Variants in LHFPL3 observed in about 807,000 individuals in gnomAD.
LHFPL3 encodes LHFPL tetraspan subfamily member 3 protein.
In LHFPL3, 5 loss-of-function variants were observed where a neutral mutation model predicts 19.3. The observed-to-expected ratio is 0.26, with a 90% CI of 0.14 to 0.54. The LOEUF is 0.54. LHFPL3 is among the 20% of genes least tolerant of loss of function. The pLI, the probability that LHFPL3 is intolerant of heterozygous loss-of-function variation, is 0.94. For synonymous variants in LHFPL3, 133 were observed against 126.2 expected (o/e 1.05, Z -0.36); for missense variants, 249 against 307.4 (o/e 0.81, Z 1.42).
Position 104,906,452 on chromosome 7 carries a change from G to A in LHFPL3, c.*237G>A. 1.9e-6 allele frequency: 1 copy of A among 525,726 alleles called. No individual in the cohort carries two copies. The highest frequency in any genetic ancestry group is 3.3e-6 in the Non-Finnish European group (1 of 299,000). The allele number at this position is 525,726 out of a possible 1,614,324, so 32.6% of individuals were successfully genotyped here. Reference sequence around the variant, plus strand: ...ATCATGGATTAAACACCAGCTCATTGGAAACTCATTGGATGAGATCAGAAA... The same window carrying A: ...ATCATGGATTAAACACCAGCTCATTAGAAACTCATTGGATGAGATCAGAAA... On this transcript the variant is annotated 3_prime_UTR_variant, in exon 3 of 3. Transcript: ENST00000424859.
intron 1 of LHFPL3, chr7:104,668,293 C>T: frequency 1.2e-6 from 2 of 1,606,210 alleles, no homozygotes; most frequent in Non-Finnish European, 1.7e-6. Flanking sequence ...AGGGATGATC[C>T]TCCTTTTGGC....
intron 2 of LHFPL3, among the ~76,000 whole-genome samples, chr7:104,823,794 G>C (rs1370391537): frequency 1.3e-5 from 2 of 151,952 alleles, no homozygotes; most frequent in African/African-American, 4.8e-5. Flanking sequence ...TGCTGATATG[G>C]CCACTAAGCT....
rs58897202 is a variant in LHFPL3 at position 104,417,118 on chromosome 7, C to T, written c.445+87894C>T. 8.7e-3 allele frequency among the ~76,000 whole-genome samples: 1,332 copies of T among 152,270 alleles called. 79 individuals are homozygous for T. In the East Asian group the frequency reaches 0.16, roughly 19 times the overall value. Reference sequence around the variant, plus strand: ...CCATAGGGGGCATAATATTCCATTACGTTGATGTCTTTACTAAAAAGCTTT... The same window carrying T: ...CCATAGGGGGCATAATATTCCATTATGTTGATGTCTTTACTAAAAAGCTTT... On this transcript the variant is annotated intron_variant, in intron 1 of 2. Transcript: ENST00000424859.
At chr7:104,895,518 TC>T in intron 2 of LHFPL3, 1 of 152,318 alleles carries the variant, frequency 6.6e-6, no homozygotes. Flanking sequence ...CAAACTAGAT[TC>T]CATCAACCCT....
At position 104,607,717 on chromosome 7, in the gene LHFPL3, A is replaced by G. The variant is rs552702697; in HGVS notation, c.446-128958A>G. On this transcript the variant is annotated intron_variant, in intron 1 of 2. Coordinates refer to ENST00000424859, the MANE Select transcript of LHFPL3 (RefSeq NM_199000.3). ...CCGTCAGAGTGAATAGGCAACCTAC[A>G]AAATGGGAGAAAATTTTCGCAACCT... Among the ~76,000 whole-genome samples the G allele has an allele frequency of 2.6e-5, 4 of 152,278 alleles. No individual in the cohort carries two copies. In the East Asian group the frequency reaches 5.8e-4, roughly 22 times the overall value.
intron 1 of LHFPL3, among the ~76,000 whole-genome samples, chr7:104,723,864 T>G (rs972994736): frequency 2.6e-5 from 4 of 152,136 alleles, no homozygotes; most frequent in African/African-American, 4.8e-5. Flanking sequence ...AACCCATTTT[T>G]GGATAATAGT....
intron 1 of LHFPL3, among the ~76,000 whole-genome samples, chr7:104,504,994 C>T (rs1351707799): frequency 2.7e-5 from 4 of 147,342 alleles, no homozygotes; most frequent in Non-Finnish European, 6.0e-5. Context: ...TATGTGTACA[C>T]ATATATACTA....
At chr7:104,335,988 C>T (rs182768530) in intron 1 of LHFPL3, among the ~76,000 whole-genome samples, 12 of 152,042 alleles carry the variant, frequency 7.9e-5, no homozygotes, top group African/African-American at 1.4e-4. Context: ...CACATTGGCA[C>T]GAAGCAAATA....
chr7:104,472,397 T>C (rs982589424), intron 1 of LHFPL3, among the ~76,000 whole-genome samples: 1 of 152,168 alleles, frequency 6.6e-6, no homozygotes, highest in Non-Finnish European at 1.5e-5. Context: ...TCTATTTTTA[T>C]CAGCCTTTAA....
intron 1 of LHFPL3, among the ~76,000 whole-genome samples, chr7:104,646,800 A>G (rs1240994605): frequency 6.6e-6 from 1 of 152,224 alleles, no homozygotes; most frequent in African/African-American, 2.4e-5. Flanking sequence ...CTCACTGCTA[A>G]TAGAATCTAT....
intron 1 of LHFPL3, among the ~76,000 whole-genome samples, chr7:104,601,180 T>C (rs1790958373): frequency 6.6e-6 from 1 of 152,218 alleles, no homozygotes; most frequent in African/African-American, 2.4e-5. Flanking sequence ...GGGCTGGTTC[T>C]TCTGGGATAT....
intron 1 of LHFPL3, among the ~76,000 whole-genome samples, chr7:104,585,580 G>A (rs924035880): frequency 6.0e-5 from 9 of 150,952 alleles, no homozygotes; most frequent in African/African-American, 2.2e-4. Context: ...TGAGGATTTG[G>A]GCAGGCTATA....
At position 104,536,739 on chromosome 7, in the gene LHFPL3, C is replaced by G. The variant is rs373306372; in HGVS notation, c.446-199936C>G. Among the ~76,000 whole-genome samples, 5 of 152,192 alleles carry G rather than the reference C, an allele frequency of 3.3e-5. No individual in the cohort carries two copies. The East Asian group carries it at 7.7e-4, about 23-fold the overall frequency. On this transcript the variant is annotated intron_variant, in intron 1 of 2. Coordinates refer to ENST00000424859, the MANE Select transcript of LHFPL3 (RefSeq NM_199000.3). ...GATGCTCCTACCATTTAGTTCCCCT[C>G]TAGAGCCTTTTTGTTTGTTTCAGAA... is the stretch of plus-strand genomic sequence containing the variant.
At chr7:104,816,166 G>A (rs1790558050) in intron 2 of LHFPL3, among the ~76,000 whole-genome samples, 2 of 152,084 alleles carry the variant, frequency 1.3e-5, no homozygotes, top group South Asian at 2.1e-4. Context: ...AAATGCTGTC[G>A]TTGTTGTTGT....
intron 2 of LHFPL3, among the ~76,000 whole-genome samples, chr7:104,873,847 T>C (rs982307626): frequency 2.6e-5 from 4 of 152,226 alleles, no homozygotes; most frequent in Non-Finnish European, 5.9e-5. Flanking sequence ...CTGACAAGAC[T>C]GTTATCTGCA....
rs1483569634 is a variant in LHFPL3 at position 104,359,388 on chromosome 7, A to G, written c.445+30164A>G. ...AAATTTAAAATTATTATATACTATC[A>G]TAGATGCGATTGTTAGCTGATTTGG... On this transcript the variant is annotated intron_variant, in intron 1 of 2. Transcript: ENST00000424859. 3.3e-5 allele frequency among the ~76,000 whole-genome samples: 5 copies of G among 152,364 alleles called. No individual in the cohort carries two copies. In the East Asian group the frequency reaches 9.6e-4, roughly 29 times the overall value.
At chr7:104,786,174 C>T (rs1218340146) in intron 2 of LHFPL3, among the ~76,000 whole-genome samples, 1 of 152,192 alleles carries the variant, frequency 6.6e-6, no homozygotes, top group Non-Finnish European at 1.5e-5. Flanking sequence ...AAAATTCCCT[C>T]ATCAGCACAG....
intron 1 of LHFPL3, among the ~76,000 whole-genome samples, chr7:104,674,364 T>C (rs1053764383): frequency 6.6e-6 from 1 of 150,662 alleles, no homozygotes; most frequent in South Asian, 2.1e-4. Context: ...GTTTTTCTTT[T>C]TCTTTTTCTT....
rs1179745422 is a variant in LHFPL3, at chr7:104,689,948, A to T, written c.446-46727A>T. Among the ~76,000 whole-genome samples the T allele has an allele frequency of 2.0e-5, 3 of 152,324 alleles. No individual in the cohort carries two copies. The East Asian group carries it at 5.8e-4, about 29-fold the overall frequency. On this transcript the variant is annotated intron_variant, in intron 1 of 2. Coordinates refer to ENST00000424859, the MANE Select transcript of LHFPL3 (RefSeq NM_199000.3). The stretch of plus-strand genomic sequence containing the variant: ...TCCCCACATTGGCTGCCTGACAGGT[A>T]GGGTGAGGGCTATTGTGATGGGAAA...
Sources: gnomAD v4.1 joint callset for allele counts (sites outside exome capture counted in the v4.1 genomes callset) on GRCh38, gnomAD v4.1.1 for gene constraint, MANE v1.5 for transcripts, NCBI Gene and HGNC (gene_info 2026-07-23, HGNC 2026-07-21) for gene names.